Variants in ITGB5 observed in about 807,000 individuals in gnomAD.
ITGB5 encodes the protein integrin subunit beta 5.
Under a neutral mutation model 84.8 loss-of-function variants are expected in ITGB5, and 38 were observed. That is an observed-to-expected ratio of 0.45 (90% CI 0.35 to 0.59). The LOEUF (loss-of-function observed/expected upper bound fraction) is 0.59. ITGB5 is among the 20% of genes least tolerant of loss of function. ITGB5 has a pLI of 0.01. For synonymous variants in ITGB5, 393 were observed against 414.4 expected (o/e 0.95, Z 0.63); for missense variants, 905 against 1,034.5 (o/e 0.87, Z 1.72).
At chr3:124,888,622 C>A (rs1259439444), upstream of ITGB5, among the ~76,000 whole-genome samples, 15 of 152,224 alleles carry the variant, frequency 9.9e-5, no homozygotes, top group Admixed American at 2.6e-4. Flanking sequence ...CTCCGACAAC[C>A]CTACTGTTAT....
chr3:124,900,162 T>C (rs1167121347), intron 1 of ITGB5, among the ~76,000 whole-genome samples: 1 of 152,164 alleles, frequency 6.6e-6, no homozygotes, highest in Non-Finnish European at 1.5e-5. Context: ...TTACCTCTGT[T>C]AATACTTTAA....
In ITGB5 at chr3:124,862,558, G is replaced by A. The variant is rs1414995347; in HGVS notation, c.157-3112C>T. ...CCAAATGTATCTGCTGGGACCATCA[G>A]GAGACTTAAAGTCCAAATCATATTT... On this transcript the variant is annotated intron_variant, in intron 2 of 14. Coordinates refer to ENST00000296181, the MANE Select transcript of ITGB5 (RefSeq NM_002213.5). 2.6e-5 allele frequency: 4 copies of A among 152,262 alleles called. No homozygotes were observed. The East Asian group carries it at 7.7e-4, about 29-fold the overall frequency. The allele number at this position is 152,262 out of a possible 1,614,324, so 9.4% of individuals were successfully genotyped here. A position where few individuals can be genotyped will look rare whatever the true frequency, so the allele number is the denominator to read the frequency against.
At position 124,796,793 on chromosome 3, in the gene ITGB5, C is replaced by T; in HGVS notation, c.1288G>A (p.Ala430Thr). 1 of 1,607,960 alleles carries T rather than the reference C, an allele frequency of 6.2e-7. No homozygotes were observed. Among genetic ancestry groups the T allele is most frequent in the Non-Finnish European group, 8.5e-7 (1 of 1,175,902 alleles). Residue 430 changes from alanine to threonine, a missense_variant, in exon 10 of 15, where the codon GCC becomes ACC. By Grantham distance (58) the Ala-to-Thr change is moderately conservative. This residue lies in a region of ITGB5 where 656 missense variants were observed against 734.7 expected (regional missense o/e 0.89). Coordinates refer to ENST00000296181, the MANE Select transcript of ITGB5 (RefSeq NM_002213.5). ...DTASFEVSLE[A>T]RSCPSRHTEH... ...GTGTGTCTGCTGGGACAGCTTCGGG[C>T]CTCCAATGATACTTCAAAAGATGCC...
chr3:124,769,915 T>G (rs1000059302), intron 11 of ITGB5: 1 of 152,214 alleles, frequency 6.6e-6, no homozygotes, highest in African/African-American at 2.4e-5. Flanking sequence ...TGAGCCTCTC[T>G]CCTCCCACCT....
chr3:124,796,228 C>T (rs1024749145), intron 10 of ITGB5, among the ~76,000 whole-genome samples, 160 bp downstream of exon 10: 9 of 152,238 alleles, frequency 5.9e-5, no homozygotes, highest in African/African-American at 2.2e-4. Flanking sequence ...AGATCCCCAC[C>T]TCCTGCCTAC....
intron 9 of ITGB5, among the ~76,000 whole-genome samples, chr3:124,798,136 T>C (rs2064261815): frequency 7.0e-6 from 1 of 143,500 alleles, no homozygotes; most frequent in Admixed American, 7.6e-5. Context: ...CACTGCAATC[T>C]CCACCTCCCG....
intron 5 of ITGB5, among the ~76,000 whole-genome samples, chr3:124,830,875 T>C (rs2107577886): frequency 6.6e-6 from 1 of 152,182 alleles, no homozygotes; most frequent in Non-Finnish European, 1.5e-5. Context: ...TCCTAGCTAC[T>C]TGGGAGGCTG....
chr3:124,851,258 G>C (rs956524678), intron 3 of ITGB5, among the ~76,000 whole-genome samples: 1 of 152,074 alleles, frequency 6.6e-6, no homozygotes, highest in Non-Finnish European at 1.5e-5. Context: ...CTCACTGCTC[G>C]GTTTCTGCAT....
intron 10 of ITGB5, among the ~76,000 whole-genome samples, chr3:124,785,883 T>C (rs1197999544): frequency 6.6e-6 from 1 of 152,066 alleles, no homozygotes; most frequent in Admixed American, 6.6e-5. Context: ...ACTTGGAAAA[T>C]GTAGGCTAAG....
rs776541769 is a variant in ITGB5 at position 124,764,410 on chromosome 3, G to T, written c.2285C>A (p.Ser762Tyr). Residue 762 changes from serine (S) to tyrosine (Y), a missense_variant, in exon 14 of 15, where the codon TCC (serine) becomes TAC (tyrosine). Ser to Tyr is a moderately radical substitution (Grantham distance 144). Coordinates refer to ENST00000296181, the MANE Select transcript of ITGB5 (RefSeq NM_002213.5). ...REFAKFQSER[S>Y]RARYEMASNP... is the part of the protein sequence containing the mutation. The stretch of plus-strand genomic sequence containing the variant: ...GCTTACCATTTCATAGCGGGCCCTG[G>T]ATCGCTCGCTCTGAAACTTTGCAAA... 2 of 1,612,338 alleles carry T rather than the reference G, an allele frequency of 1.2e-6. 1 individual carries two copies. Among genetic ancestry groups the T allele is most frequent in the South Asian group, 2.2e-5 (2 of 91,014 alleles).
intron 13 of ITGB5, among the ~76,000 whole-genome samples, chr3:124,765,851 G>T (rs1408182322): frequency 1.3e-5 from 2 of 152,132 alleles, no homozygotes; most frequent in Non-Finnish European, 2.9e-5. Context: ...GAGCCCAGGA[G>T]TTCGAGACCA....
chr3:124,831,290 C>A (rs2064856859), intron 5 of ITGB5, among the ~76,000 whole-genome samples: 1 of 152,170 alleles, frequency 6.6e-6, no homozygotes, highest in South Asian at 2.1e-4. Context: ...CTGACCTGCA[C>A]AGAGGAACTA....
chr3:124,844,998 A>G (rs1362397164), intron 4 of ITGB5, among the ~76,000 whole-genome samples: 1 of 152,216 alleles, frequency 6.6e-6, no homozygotes, highest in African/African-American at 2.4e-5. Flanking sequence ...ATGCCCCCAC[A>G]ACCTCCAAGG....
chr3:124,856,962 G>T (rs754131118), intron 3 of ITGB5, among the ~76,000 whole-genome samples: 13 of 152,190 alleles, frequency 8.5e-5, no homozygotes, highest in Non-Finnish European at 1.5e-4. Context: ...AAAAGGCTGA[G>T]TGTTGCTTAC....
At chr3:124,854,915 T>C (rs775521177) in intron 3 of ITGB5, among the ~76,000 whole-genome samples, 1 of 152,234 alleles carries the variant, frequency 6.6e-6, no homozygotes, top group Non-Finnish European at 1.5e-5. Context: ...TGTCCTTGAT[T>C]AGTCTGCGAT....
chr3:124,805,147 C>CTCTCTCTCTCTT (rs969589954), intron 9 of ITGB5, among the ~76,000 whole-genome samples: 2 of 143,258 alleles, frequency 1.4e-5, no homozygotes, highest in Non-Finnish European at 3.0e-5. Flanking sequence ...CTCTCTCTCT[C>CTCTCTCTCTCTT]TCTTTCTTTC....
At chr3:124,818,664 C>T (rs1290382326) in intron 7 of ITGB5, among the ~76,000 whole-genome samples, 1 of 151,956 alleles carries the variant, frequency 6.6e-6, no homozygotes. Context: ...TAGGCACACA[C>T]CACCACGCCC....
At chr3:124,802,831 G>A (rs538533788) in intron 9 of ITGB5, among the ~76,000 whole-genome samples, 3 of 152,298 alleles carry the variant, frequency 2.0e-5, no homozygotes, top group Non-Finnish European at 4.4e-5. Flanking sequence ...GTGCCAGCCT[G>A]TCTTCATCCA....
intron 11 of ITGB5, among the ~76,000 whole-genome samples, chr3:124,771,748 C>CAAAAAT (rs760048208): frequency 1.4e-5 from 1 of 69,156 alleles, no homozygotes; most frequent in African/African-American, 5.3e-5. Flanking sequence ...GACCCTGTCT[C>CAAAAAT]AAAAAAAAAA....
Sources: gnomAD v4.1 joint callset for allele counts (sites outside exome capture counted in the v4.1 genomes callset) on GRCh38, gnomAD v4.1.1 for gene constraint, gnomAD v4.1.1 regional missense constraint, MANE v1.5 for transcripts, NCBI Gene and HGNC (gene_info 2026-07-23, HGNC 2026-07-21) for gene names.